Variants in USP34 observed in about 807,000 individuals in gnomAD.
USP34 encodes the protein ubiquitin carboxyl-terminal hydrolase 34.
Under a neutral mutation model 460.3 loss-of-function variants are expected in USP34, and 70 were observed. That is an observed-to-expected ratio of 0.15 (90% CI 0.13 to 0.19). USP34 has a LOEUF of 0.19. Ranked by LOEUF, USP34 falls within the 10% of genes least tolerant of loss-of-function variation. The pLI, the probability that USP34 is intolerant of heterozygous loss-of-function variation, is 1.00. For missense variants in USP34, 3,985 were observed against 4,236.2 expected (o/e 0.94, Z 1.65); for synonymous variants, 1,647 against 1,405.3 (o/e 1.17, Z -3.85).
At chr2:61,323,172 G>A (rs1056336037) in intron 21 of USP34, among the ~76,000 whole-genome samples, 3 of 152,180 alleles carry the variant, frequency 2.0e-5, no homozygotes, top group Non-Finnish European at 2.9e-5. Context: ...TTGAGTCCAT[G>A]AGTTTCAGAC....
chr2:61,401,295 G>A (rs1407780237), intron 3 of USP34, among the ~76,000 whole-genome samples: 2 of 151,704 alleles, frequency 1.3e-5, no homozygotes, highest in East Asian at 1.9e-4. Flanking sequence ...CTGTCATGCA[G>A]AGGCATGATC....
Position 61,348,192 on chromosome 2 carries a change from G to A in USP34, c.1963C>T (p.Leu655=), listed in dbSNP as rs377621735. 3.1e-6 allele frequency: 5 copies of A among 1,614,204 alleles called. No individual in the cohort carries two copies. The highest frequency in any genetic ancestry group is 4.2e-6 in the Non-Finnish European group (5 of 1,180,032). Residue 655 remains leucine, a synonymous_variant, in exon 15 of 80, where the codon CTG becomes TTG. Transcript: ENST00000398571. ...TCTGACATGCCTTGGGAGTCCCCCA[G>A]GCAAATGCCTGCTTGACTCTCTAAC... ...RKLESQAGIC[L]GDSQGMSERN...
At chr2:61,437,818 A>AAATAAATAAAT (rs1558594196) in intron 1 of USP34, among the ~76,000 whole-genome samples, 21 of 76,270 alleles carry the variant, frequency 2.8e-4, no homozygotes, top group Non-Finnish European at 3.6e-4. Flanking sequence ...AATAAATAAA[A>AAATAAATAAAT]AACCTGAACA....
At position 61,343,671 on chromosome 2, in the gene USP34, A is replaced by G. The variant is rs556595388; in HGVS notation, c.2500+144T>C. ...TATAATAATTTAATTCCCTTGGGGG[A>G]AAAAAAAAAACTACCATATGTAAGT... is the stretch of plus-strand genomic sequence containing the variant. On this transcript the variant is annotated intron_variant, in intron 16 of 79. Coordinates refer to ENST00000398571, the MANE Select transcript of USP34 (RefSeq NM_014709.4). 9.9e-4 allele frequency: 518 copies of G among 524,894 alleles called. 2 individuals carry two copies. The highest frequency in any genetic ancestry group is 3.2e-3 in the African/African-American group (154 of 47,814). The allele number at this position is 524,894 out of a possible 1,614,324, so 32.5% of individuals were successfully genotyped here. A position where few individuals can be genotyped will look rare whatever the true frequency, so the allele number is the denominator to read the frequency against.
intron 2 of USP34, among the ~76,000 whole-genome samples, chr2:61,414,860 C>T (rs1476277369): frequency 6.6e-6 from 1 of 152,070 alleles, no homozygotes; most frequent in Admixed American, 6.6e-5. Context: ...TACAAAGTTA[C>T]ACCCTATGCA....
intron 5 of USP34, among the ~76,000 whole-genome samples, chr2:61,384,898 G>A (rs1368817527): frequency 3.3e-5 from 5 of 151,820 alleles, no homozygotes; most frequent in African/African-American, 1.2e-4. Flanking sequence ...TAAATAAAAG[G>A]CAAAGGACTA....
chr2:61,321,170 T>TAA (rs558041675), intron 21 of USP34, among the ~76,000 whole-genome samples: 2 of 141,544 alleles, frequency 1.4e-5, no homozygotes, highest in Admixed American at 7.1e-5. Flanking sequence ...ACTGTCTCTT[T>TAA]AAAAAAAAAA....
intron 1 of USP34, among the ~76,000 whole-genome samples, chr2:61,454,406 G>C (rs556252376): frequency 2.1e-3 from 308 of 149,472 alleles, no homozygotes; most frequent in Non-Finnish European, 3.9e-3. Context: ...TTACAGGCAT[G>C]AGCCACTGCG....
At chr2:61,468,529 G>C (rs900500609) in intron 1 of USP34, among the ~76,000 whole-genome samples, 10 of 152,168 alleles carry the variant, frequency 6.6e-5, no homozygotes, top group African/African-American at 2.4e-4. Context: ...TATTGTTTAA[G>C]AGTTAAACTT....
chr2:61,448,775 T>C (rs1695189181), intron 1 of USP34, among the ~76,000 whole-genome samples: 1 of 152,190 alleles, frequency 6.6e-6, no homozygotes, highest in African/African-American at 2.4e-5. Context: ...ACAATTCAGA[T>C]GTAAAATCTA....
intron 1 of USP34, among the ~76,000 whole-genome samples, chr2:61,449,762 T>C (rs1012216176): frequency 1.3e-5 from 2 of 152,166 alleles, no homozygotes; most frequent in Non-Finnish European, 2.9e-5. Context: ...CTGAACAGCC[T>C]CATGCAAAAG....
intron 34 of USP34, among the ~76,000 whole-genome samples, chr2:61,288,270 G>C (rs2067549): frequency 0.17 from 26,475 of 152,042 alleles, 3,070 homozygotes; most frequent in African/African-American, 0.32. Context: ...AAGATCTAGG[G>C]GTGATAAATG....
At chr2:61,370,227 G>T in intron 10 of USP34, 94 bp downstream of exon 10, 2 of 1,304,836 alleles carry the variant, frequency 1.5e-6, no homozygotes, top group Admixed American at 2.1e-5. Flanking sequence ...GGTCTCCTTA[G>T]CTATAAAACA....
At chr2:61,266,280 G>A in intron 41 of USP34, 113 bp from the exon 42 acceptor site, 1 of 978,526 alleles carries the variant, frequency 1.0e-6, no homozygotes, top group Non-Finnish European at 1.5e-6. Flanking sequence ...AAAACGTATA[G>A]CAGCATGATA....
rs770617402 is a variant in USP34 at position 61,301,180 on chromosome 2, A to C, written c.3919-20T>G. 2 of 1,578,044 alleles carry C rather than the reference A, an allele frequency of 1.3e-6. No homozygotes were observed. Among genetic ancestry groups the C allele is most frequent in the Non-Finnish European group, 1.7e-6 (2 of 1,166,060 alleles). ...TACCATCTATAAAAAACAGGAAAAA[A>C]AATTTATGCATATCAAGCTTTTAGT... On this transcript the variant is annotated intron_variant, in intron 28 of 79. Coordinates refer to ENST00000398571, the MANE Select transcript of USP34 (RefSeq NM_014709.4).
intron 2 of USP34, among the ~76,000 whole-genome samples, chr2:61,419,882 CAGAAA>C (rs751590967): frequency 2.7e-4 from 41 of 152,104 alleles, no homozygotes; most frequent in East Asian, 5.8e-4. Context: ...CAGTGAGACT[CAGAAA>C]AGAAATGTCA....
intron 41 of USP34, chr2:61,277,907 G>C: frequency 2.5e-6 from 1 of 402,012 alleles, no homozygotes; most frequent in Non-Finnish European, 4.4e-6. Flanking sequence ...GCTTTCGCTT[G>C]GTTCTCATTC....
Position 61,395,204 on chromosome 2 carries a change from T to C in USP34, c.582A>G (p.Leu194=). 2.0e-6 allele frequency: 3 copies of C among 1,502,528 alleles called. No individual in the cohort carries two copies. The East Asian group carries it at 6.8e-5, about 34-fold the overall frequency. The allele number at this position is 1,502,528 out of a possible 1,614,324, so 93.1% of individuals were successfully genotyped here. ...EDISTQESNI[L]GAFCDMNDVE... ...TTACATTCATATCACAGAATGCCCC[T>C]AATATGTTACTTTCTTGAGTTGATA... Residue 194 remains leucine, a synonymous_variant, in exon 4 of 80, where the codon TTA becomes TTG. Transcript: ENST00000398571.
chr2:61,344,066 G>C, intron 15 of USP34, 37 bp from the exon 16 acceptor site: 2 of 1,587,056 alleles, frequency 1.3e-6, no homozygotes, highest in Non-Finnish European at 1.7e-6. Context: ...TAGTAATTAC[G>C]AATGTGAATC....
Sources: allele counts gnomAD v4.1 joint callset (sites outside exome capture counted in the v4.1 genomes callset), GRCh38; gene constraint gnomAD v4.1.1; transcripts MANE v1.5; gene names NCBI Gene and HGNC (gene_info 2026-07-23, HGNC 2026-07-21).